REV3L: variants seen among roughly 807,000 people sequenced by gnomAD.
REV3L encodes REV3 like, DNA directed polymerase zeta catalytic subunit.
In REV3L, 69 loss-of-function variants were observed where a neutral mutation model predicts 299.4. The observed-to-expected ratio is 0.23, with a 90% confidence interval of 0.19 to 0.28. The LOEUF is 0.28. Ranked by LOEUF, REV3L falls within the 10% of genes least tolerant of loss-of-function variation. The pLI, the probability that REV3L is intolerant of heterozygous loss-of-function variation, is 1.00. For missense variants in REV3L, 3,128 were observed against 3,693.8 expected, an observed-to-expected ratio of 0.85 and a Z score of 3.97; for synonymous variants, 1,238 against 1,271.4, an observed-to-expected ratio of 0.97 and a Z score of 0.56.
At chr6:111,393,062 G>C in intron 4 of REV3L, 90 bp from the exon 5 acceptor site, 1 of 783,832 alleles carries the variant, frequency 1.3e-6, no homozygotes, top group Non-Finnish European at 2.1e-6. Flanking sequence ...TTTTGAGATG[G>C]AGTCTCGCTT....
In REV3L at chr6:111,372,589, TG is replaced by T; in HGVS notation, c.5759+6del. On this transcript the variant is annotated splice_donor_region_variant and intron_variant, in intron 13 of 31. Coordinates refer to ENST00000368802, the MANE Select transcript of REV3L (RefSeq NM_001372078.1). The stretch of plus-strand genomic sequence containing the variant: ...AGAGTGACCCAAGGGAAAAAATAAC[TG>T]ATTACCTGGGCTTTTCTGGTACATC... 6.8e-7 allele frequency: 1 copy of T among 1,475,546 alleles called. No individual in the cohort carries two copies. Among genetic ancestry groups the T allele is most frequent in the South Asian group, 1.6e-5 (1 of 63,690 alleles). The allele number at this position is 1,475,546 out of a possible 1,614,324, so 91.4% of individuals were successfully genotyped here. A position where few individuals can be genotyped will look rare whatever the true frequency, so the allele number is the denominator to read the frequency against.
intron 26 of REV3L, 84 bp from the exon 27 acceptor site, chr6:111,315,465 T>G: frequency 1.0e-6 from 1 of 967,396 alleles, no homozygotes; most frequent in Non-Finnish European, 1.6e-6. Context: ...TGGCTATGAC[T>G]CTTGTCTAAT....
At chr6:111,398,341 A>T (rs952926077) in intron 4 of REV3L, among the ~76,000 whole-genome samples, 1 of 152,072 alleles carries the variant, frequency 6.6e-6, no homozygotes, top group Non-Finnish European at 1.5e-5. Flanking sequence ...AAAAATGAGG[A>T]TGTTAAAAAA....
At chr6:111,465,176 G>GT (rs2128329895) in intron 1 of REV3L, among the ~76,000 whole-genome samples, 1 of 150,334 alleles carries the variant, frequency 6.7e-6, no homozygotes, top group East Asian at 2.1e-4. Flanking sequence ...TGCCTCCCGG[G>GT]TTCAAGTGAT....
intron 14 of REV3L, 88 bp from the exon 15 acceptor site, chr6:111,365,432 A>G: frequency 1.6e-6 from 1 of 636,022 alleles, no homozygotes. Context: ...CAAACACTTA[A>G]GTACCACTTG....
intron 31 of REV3L, among the ~76,000 whole-genome samples, chr6:111,301,790 T>C (rs1010393638): frequency 2.6e-5 from 4 of 152,156 alleles, no homozygotes; most frequent in Non-Finnish European, 5.9e-5. Flanking sequence ...TTTTTAAAAA[T>C]ACTTTAAAGT....
intron 1 of REV3L, among the ~76,000 whole-genome samples, chr6:111,421,367 T>G (rs1480302087): frequency 6.6e-6 from 1 of 152,194 alleles, no homozygotes; most frequent in Non-Finnish European, 1.5e-5. Flanking sequence ...AAACTTTTTC[T>G]GGAAGGTGAC....
At chr6:111,483,503 A>C, upstream of REV3L, 13 of 503,584 alleles carry the variant, frequency 2.6e-5, no homozygotes, top group Non-Finnish European at 4.1e-5. Flanking sequence ...GATCTCATGG[A>C]TGGGCTCCGA....
intron 21 of REV3L, among the ~76,000 whole-genome samples, chr6:111,341,529 C>T (rs1345409279): frequency 2.0e-5 from 3 of 152,188 alleles, no homozygotes; most frequent in Non-Finnish European, 2.9e-5. Context: ...ATCCTCACCA[C>T]CATACAGCCT....
In REV3L at chr6:111,359,049, AT is replaced by A. The variant is rs1165040501; in HGVS notation, c.6880-36del. 4 of 1,549,696 alleles carry A rather than the reference AT, an allele frequency of 2.6e-6. No homozygotes were observed. The East Asian group carries it at 6.8e-5, about 26-fold the overall frequency. ...CAAATAAATACTATGTTTTTAAAAC[AT>A]TTTTTAAAGACATGCTCAAAGAAGT... On this transcript the variant is annotated intron_variant, in intron 16 of 31. Coordinates refer to ENST00000368802, the MANE Select transcript of REV3L (RefSeq NM_001372078.1).
In REV3L at chr6:111,363,965, G is replaced by A; in HGVS notation, c.6767C>T (p.Ala2256Val). 4 of 1,607,778 alleles carry A rather than the reference G, an allele frequency of 2.5e-6. No individual in the cohort carries two copies. Among genetic ancestry groups the A allele is most frequent in the Non-Finnish European group, 3.4e-6 (4 of 1,177,944 alleles). Reference protein sequence around the residue: ...LLTQAKNQFAAVNTPQKETSQ... With the variant: ...LLTQAKNQFAVVNTPQKETSQ... ...AGTTTCTTTCTGTGGGGTATTTACT[G>A]CTGCAAATTGATTCTATAAAAAAAA... The change falls in exon 16 of 32, where the codon GCA (alanine) becomes GTA (valine). Residue 2256 changes from alanine to valine, a missense_variant. Ala to Val is a moderately conservative substitution (Grantham distance 64, BLOSUM62 0). Coordinates refer to ENST00000368802, the MANE Select transcript of REV3L (RefSeq NM_001372078.1).
At chr6:111,427,429 G>T (rs1222595578) in intron 1 of REV3L, among the ~76,000 whole-genome samples, 2 of 152,162 alleles carry the variant, frequency 1.3e-5, no homozygotes, top group Non-Finnish European at 2.9e-5. Context: ...ACTTCTGGTT[G>T]TAAAACGGTG....
At position 111,372,701 on chromosome 6, in the gene REV3L, G is replaced by C. The variant is rs1456621753; in HGVS notation, c.5654C>G (p.Pro1885Arg). The C allele has an allele frequency of 6.2e-7, 1 of 1,603,128 alleles. No homozygotes were observed. The highest frequency in any genetic ancestry group is 8.5e-7 in the Non-Finnish European group (1 of 1,175,364). ...ANILKPLMSP[P>R]SREEIMATLL... ...AGTTGCCATAATTTCTTCCCTACTT[G>C]GGGGGGACATAAGTGGTTTCAGAAT... The change falls in exon 13 of 32, where the codon CCA (proline) becomes CGA (arginine). Residue 1885 changes from proline (P) to arginine (R), a missense_variant. Transcript: ENST00000368802.
intron 1 of REV3L, among the ~76,000 whole-genome samples, chr6:111,432,591 T>A (rs1051360116): frequency 2.0e-5 from 3 of 152,130 alleles, no homozygotes; most frequent in African/African-American, 7.2e-5. Flanking sequence ...CAGACTGCAA[T>A]ACAGTAATAG....
At chr6:111,454,650 GTCCT>G (rs1290642596) in intron 1 of REV3L, among the ~76,000 whole-genome samples, 2 of 151,920 alleles carry the variant, frequency 1.3e-5, no homozygotes, top group African/African-American at 4.8e-5. Context: ...TCATGTATTT[GTCCT>G]TCCTTCCTGA....
At chr6:111,477,264 T>C (rs549171972) in intron 1 of REV3L, among the ~76,000 whole-genome samples, 2 of 152,348 alleles carry the variant, frequency 1.3e-5, no homozygotes, top group South Asian at 2.1e-4. Flanking sequence ...CAAGAATTAA[T>C]AGACGAGTTT....
In REV3L at chr6:111,374,427, T is replaced by C. The variant is rs753306534; in HGVS notation, c.3928A>G (p.Thr1310Ala). ...AAATCATCTCGTGAACTGGGGAATG[T>C]CTGCAAATCTACAGACTTCTTGCTT... ...LESKKSVDLQ[T>A]FPSSRDDLHP... Residue 1310 changes from threonine to alanine, a missense_variant, in exon 13 of 32, where the codon ACA (threonine) becomes GCA (alanine). This residue lies in a region of REV3L where 2,409 missense variants were observed against 2,611.8 expected (regional missense o/e 0.92). Coordinates refer to ENST00000368802, the MANE Select transcript of REV3L (RefSeq NM_001372078.1). The C allele has an allele frequency of 2.5e-6, 4 of 1,613,994 alleles. No homozygotes were observed. Among genetic ancestry groups the C allele is most frequent in the Non-Finnish European group, 2.5e-6 (3 of 1,179,932 alleles).
chr6:111,419,896 G>A (rs1283953243), intron 1 of REV3L, among the ~76,000 whole-genome samples: 1 of 151,932 alleles, frequency 6.6e-6, no homozygotes, highest in Non-Finnish European at 1.5e-5. Context: ...CCAGGCTGGA[G>A]TGCAGTGTTG....
intron 31 of REV3L, among the ~76,000 whole-genome samples, chr6:111,301,058 T>A (rs1771458699): frequency 6.6e-6 from 1 of 152,174 alleles, no homozygotes; most frequent in South Asian, 2.1e-4. Context: ...GGAAAACGAA[T>A]GCATTCTCAG....
Sources: allele counts gnomAD v4.1 joint callset (sites outside exome capture counted in the v4.1 genomes callset), GRCh38; gene constraint gnomAD v4.1.1; regional missense constraint gnomAD v4.1.1; transcripts MANE v1.5; gene names NCBI Gene and HGNC (gene_info 2026-07-23, HGNC 2026-07-21).